RPF2: variants seen among roughly 807,000 people sequenced by gnomAD.
The protein encoded by RPF2 is brix domain containing 1.
RPF2 carries 21 observed loss-of-function variants against 38.9 expected under a neutral mutation model. The observed-to-expected ratio is 0.54, with a 90% CI of 0.38 to 0.78. The LOEUF (loss-of-function observed/expected upper bound fraction) is 0.78. Among genes scored for constraint, RPF2 ranks in the 30% least tolerant of loss-of-function variants. The pLI, the probability that RPF2 is intolerant of heterozygous loss-of-function variation, is 0.00. For synonymous variants in RPF2, 121 were observed against 126.2 expected (o/e 0.96, Z 0.28); for missense variants, 314 against 358.1 (o/e 0.88, Z 0.99).
At chr6:110,993,157 CT>C (rs1452080076) in intron 4 of RPF2, among the ~76,000 whole-genome samples, 1 of 152,122 alleles carries the variant, frequency 6.6e-6, no homozygotes, top group Non-Finnish European at 1.5e-5. Context: ...GTTGCCCAAT[CT>C]GGTTTTAAAC....
chr6:110,990,480 C>T (rs1192587627), intron 3 of RPF2, among the ~76,000 whole-genome samples: 2 of 149,994 alleles, frequency 1.3e-5, no homozygotes, highest in African/African-American at 2.5e-5. Context: ...AAATGTTGTG[C>T]TTTCCTCATA....
intron 7 of RPF2, among the ~76,000 whole-genome samples, chr6:111,010,736 T>C (rs1478256248): frequency 6.6e-6 from 1 of 152,210 alleles, no homozygotes; most frequent in Non-Finnish European, 1.5e-5. Flanking sequence ...GGTATAAAAT[T>C]ACGTTGTATG....
Position 111,017,672 on chromosome 6 carries a change from A to C in RPF2, c.596+1816A>C, listed in dbSNP as rs201020758. On this transcript the variant is annotated intron_variant, in intron 8 of 9. Coordinates refer to ENST00000441448, the MANE Select transcript of RPF2 (RefSeq NM_032194.3). The stretch of plus-strand genomic sequence containing the variant: ...AGACGATGGGCGGCCGGGCAGAGAC[A>C]CTCCTCACTTCCTAGACGGGATGGC... Among the ~76,000 whole-genome samples, 194 of 114,892 alleles carry C rather than the reference A, an allele frequency of 1.7e-3. 2 individuals are homozygous for C. The highest frequency in any genetic ancestry group is 2.4e-3 in the Non-Finnish European group (132 of 55,158). The allele number at this position is 114,892 out of a possible 152,430, so 75.4% of individuals were successfully genotyped here. A position where few individuals can be genotyped will look rare whatever the true frequency, so the allele number is the denominator to read the frequency against.
intron 2 of RPF2, among the ~76,000 whole-genome samples, chr6:110,986,858 C>T (rs13201058): frequency 6.6e-6 from 1 of 150,952 alleles, no homozygotes; most frequent in African/African-American, 2.4e-5. Context: ...AGGCTGAGGC[C>T]GGAAAATCTG....
intron 6 of RPF2, among the ~76,000 whole-genome samples, chr6:111,003,908 G>A (rs571394520): frequency 1.6e-4 from 25 of 152,070 alleles, no homozygotes; most frequent in African/African-American, 5.8e-4. Context: ...TGCCTCCCGG[G>A]TTCAGGAGAT....
chr6:111,011,015 G>A (rs916212199), intron 7 of RPF2, among the ~76,000 whole-genome samples: 1 of 152,148 alleles, frequency 6.6e-6, no homozygotes, highest in Non-Finnish European at 1.5e-5. Flanking sequence ...CCATTTCACA[G>A]ATGGGAAAAC....
chr6:111,011,775 A>T (rs1037955455), intron 7 of RPF2, among the ~76,000 whole-genome samples: 6 of 152,154 alleles, frequency 3.9e-5, no homozygotes, highest in African/African-American at 1.4e-4. Context: ...GCATTTGTTT[A>T]AATGTTTTTT....
chr6:110,999,623 A>T (rs2114313744), intron 5 of RPF2, 88 bp from the exon 6 acceptor site: 1 of 785,364 alleles, frequency 1.3e-6, no homozygotes, highest in East Asian at 2.5e-5. Flanking sequence ...GGCAGATATT[A>T]GGACATTTTG....
chr6:111,006,844 C>A (rs1390192005), intron 6 of RPF2, among the ~76,000 whole-genome samples: 1 of 151,974 alleles, frequency 6.6e-6, no homozygotes, highest in African/African-American at 2.4e-5. Context: ...GAGGCCAAGG[C>A]GGGCAGATCA....
In RPF2 at chr6:110,985,396, A is replaced by C. The variant is rs375003822; in HGVS notation, c.156+258A>C. On this transcript the variant is annotated intron_variant, in intron 2 of 9. Transcript: ENST00000441448. ...GGTAGAGTGAAGGTCTCCCTTAGTA[A>C]ATTTAAACTGTTTTCAATTACTAGA... is the stretch of plus-strand genomic sequence containing the variant. Among the ~76,000 whole-genome samples, 5 of 152,146 alleles carry C rather than the reference A, an allele frequency of 3.3e-5. No individual in the cohort carries two copies. The East Asian group carries it at 9.6e-4, about 29-fold the overall frequency.
Position 111,006,483 on chromosome 6 carries a change from C to T in RPF2, c.394-1555C>T, listed in dbSNP as rs536488934. On this transcript the variant is annotated intron_variant, in intron 6 of 9. Transcript: ENST00000441448. ...ACTCCTGACCTCAAGTGATCAGCCC[C>T]GTCTCTGCCTCTGAAAGTGGTGGGA... 2.6e-5 allele frequency among the ~76,000 whole-genome samples: 4 copies of T among 151,854 alleles called. No individual in the cohort carries two copies. The East Asian group carries it at 5.9e-4, about 22-fold the overall frequency.
intron 8 of RPF2, among the ~76,000 whole-genome samples, chr6:111,020,504 A>G (rs1393604026): frequency 6.6e-6 from 1 of 152,244 alleles, no homozygotes; most frequent in East Asian, 1.9e-4. Context: ...AAAAGGGTTT[A>G]TTTGTAAAGA....
intron 8 of RPF2, among the ~76,000 whole-genome samples, chr6:111,018,999 C>T (rs113216718): frequency 0.013 from 2,018 of 152,060 alleles, 52 homozygotes; most frequent in African/African-American, 0.046. Context: ...GTGGATTGCT[C>T]GAGGCCAGGA....
At chr6:111,019,429 G>A (rs1040589906) in intron 8 of RPF2, among the ~76,000 whole-genome samples, 1 of 151,974 alleles carries the variant, frequency 6.6e-6, no homozygotes, top group African/African-American at 2.4e-5. Flanking sequence ...GGCAGAGTGA[G>A]ACTGTCTGAA....
chr6:111,017,915 T>A (rs1490641482), intron 8 of RPF2, among the ~76,000 whole-genome samples: 1 of 152,028 alleles, frequency 6.6e-6, no homozygotes, highest in Non-Finnish European at 1.5e-5. Flanking sequence ...CACTCCAGCC[T>A]GGGCAACATT....
chr6:111,008,018 CTTT>C lies in RPF2; in HGVS notation c.394-5_394-3del, dbSNP rs35637912. On this transcript the variant is annotated splice_polypyrimidine_tract_variant and intron_variant, in intron 6 of 9. Transcript: ENST00000441448. ...TTAGACTTTGGTAATTATATAATTG[CTTT>C]TTTTTTTTTTTTTTAGAACAGTAAA... The C allele has an allele frequency of 3.3e-3, 4,659 of 1,412,918 alleles. No individual in the cohort carries two copies. The highest frequency in any genetic ancestry group is 0.015 in the East Asian group (567 of 37,508). 87.5% of individuals were successfully genotyped at this position (1,412,918 alleles called of 1,614,324 possible).
chr6:111,027,432 G>A lies in RPF2; in HGVS notation c.*1850G>A, dbSNP rs1478504519. 1.3e-5 allele frequency: 2 copies of A among 152,182 alleles called. No homozygotes were observed. The highest frequency in any genetic ancestry group is 1.5e-5 in the Non-Finnish European group (1 of 68,044). 9.4% of individuals were successfully genotyped at this position (152,182 alleles called of 1,614,324 possible). A position where few individuals can be genotyped will look rare whatever the true frequency, so the allele number is the denominator to read the frequency against. On this transcript the variant is annotated 3_prime_UTR_variant, in exon 10 of 10. Transcript: ENST00000441448. ...ATCTGGAGGTAGATGGACAATAGCTGAGAAGGGGAGCCATGAAAAGAACAT... is the reference window on the plus strand; with the variant it reads ...ATCTGGAGGTAGATGGACAATAGCTAAGAAGGGGAGCCATGAAAAGAACAT...
In RPF2 at chr6:110,982,114, C is replaced by G. The variant is rs1260976688; in HGVS notation, c.8C>G (p.Thr3Ser). MDTLDRVVKPKTK... is the reference protein window; with the variant it reads MDSLDRVVKPKTK... ...TTGCAGGTAGCGGTAGCGATGGACA[C>G]TCTGGATCGAGTAGTGTAAGTGCGC... is the stretch of plus-strand genomic sequence containing the variant. The change falls in exon 1 of 10, where the codon ACT becomes AGT. Residue 3 changes from threonine (T) to serine (S), a missense_variant. By Grantham distance (58) the Thr-to-Ser change is moderately conservative. Transcript: ENST00000441448. The G allele has an allele frequency of 5.0e-6, 8 of 1,614,208 alleles. No individual in the cohort carries two copies. Among genetic ancestry groups the G allele is most frequent in the Non-Finnish European group, 5.9e-6 (7 of 1,180,020 alleles).
chr6:110,985,258 CT>C, intron 2 of RPF2, 120 bp downstream of exon 2: 1 of 801,102 alleles, frequency 1.2e-6, no homozygotes, highest in Non-Finnish European at 1.9e-6. Context: ...AACTACTAGT[CT>C]TAGAGAAGAG....
Sources: allele counts gnomAD v4.1 joint callset (sites outside exome capture counted in the v4.1 genomes callset), GRCh38; gene constraint gnomAD v4.1.1; transcripts MANE v1.5; gene names NCBI Gene and HGNC (gene_info 2026-07-23, HGNC 2026-07-21).